Variants in HECW1 observed in about 807,000 individuals in gnomAD.
HECW1 encodes the protein HECT, C2 and WW domain containing E3 ubiquitin protein ligase 1.
Under a neutral mutation model 182.3 loss-of-function variants are expected in HECW1, and 61 were observed. The ratio of observed to expected loss-of-function variants is 0.33; its 90% CI spans 0.27 to 0.41. The LOEUF is 0.41. Ranked by LOEUF, HECW1 falls within the 10% of genes least tolerant of loss-of-function variation. The probability of loss-of-function intolerance (pLI) is 1.00; values close to 1 mark genes in which losing one functional copy is unlikely to be tolerated. For synonymous variants in HECW1, 859 were observed against 832.6 expected (o/e 1.03, Z -0.55); for missense variants, 1,739 against 2,108.9 (o/e 0.82, Z 3.44).
chr7:43,189,460 GATT>G (rs1208296334), intron 2 of HECW1, among the ~76,000 whole-genome samples: 1 of 152,098 alleles, frequency 6.6e-6, no homozygotes, highest in South Asian at 2.1e-4. Context: ...TACAAAAAGA[GATT>G]GTGTGCAGGT....
chr7:43,329,160 T>G (rs1811154411), intron 5 of HECW1, among the ~76,000 whole-genome samples: 1 of 151,900 alleles, frequency 6.6e-6, no homozygotes, highest in Admixed American at 6.6e-5. Context: ...GGAAGGAAGG[T>G]CTGGGCTCAG....
intron 6 of HECW1, among the ~76,000 whole-genome samples, chr7:43,388,812 AC>A (rs2074904035): frequency 6.6e-6 from 1 of 151,782 alleles, no homozygotes; most frequent in Non-Finnish European, 1.5e-5. Flanking sequence ...GCCAAAGAAA[AC>A]CCCAACAGTT....
At chr7:43,225,790 TC>T (rs1279527729) in intron 2 of HECW1, among the ~76,000 whole-genome samples, 1 of 152,024 alleles carries the variant, frequency 6.6e-6, no homozygotes, top group Admixed American at 6.5e-5. Context: ...ACTGAATAGA[TC>T]TTTTTTTTTT....
chr7:43,499,140 G>C (rs867189750), intron 19 of HECW1, among the ~76,000 whole-genome samples: 16 of 151,966 alleles, frequency 1.1e-4, no homozygotes, highest in Admixed American at 2.6e-4. Context: ...AATTAGCCAA[G>C]CCTGGTGGTG....
At chr7:43,242,467 C>T (rs1037477607) in intron 2 of HECW1, among the ~76,000 whole-genome samples, 3 of 152,124 alleles carry the variant, frequency 2.0e-5, no homozygotes, top group South Asian at 2.1e-4. Context: ...GAGCTCTAAG[C>T]GGCAGAGGAA....
chr7:43,239,452 T>C (rs1011816204), intron 2 of HECW1, among the ~76,000 whole-genome samples: 1 of 152,086 alleles, frequency 6.6e-6, no homozygotes, highest in Non-Finnish European at 1.5e-5. Flanking sequence ...GGCAAATAGT[T>C]ATTAGATGGC....
At chr7:43,304,792 C>A (rs11971859) in intron 3 of HECW1, among the ~76,000 whole-genome samples, 7,263 of 152,308 alleles carry the variant, frequency 0.048, 214 homozygotes, top group Middle Eastern at 0.082. Context: ...TAGCACCCAG[C>A]CTCAACAAAG....
intron 4 of HECW1, among the ~76,000 whole-genome samples, chr7:43,313,655 A>C (rs2152774127): frequency 6.6e-6 from 1 of 152,322 alleles, no homozygotes; most frequent in South Asian, 2.1e-4. Context: ...TGTTTCATTT[A>C]CATTGTTTTG....
intron 17 of HECW1, among the ~76,000 whole-genome samples, chr7:43,484,851 G>C (rs2078568832): frequency 6.6e-6 from 1 of 152,192 alleles, no homozygotes; most frequent in Non-Finnish European, 1.5e-5. Flanking sequence ...CACCAGCAAA[G>C]CAGGCCTTAT....
chr7:43,186,449 C>T (rs1267975927), intron 2 of HECW1, among the ~76,000 whole-genome samples: 11 of 151,958 alleles, frequency 7.2e-5, no homozygotes, highest in South Asian at 6.2e-4. Flanking sequence ...GGATGGATCA[C>T]GAGGTCAGGA....
intron 6 of HECW1, among the ~76,000 whole-genome samples, chr7:43,371,201 A>G (rs572206786): frequency 6.6e-6 from 1 of 152,222 alleles, no homozygotes; most frequent in East Asian, 1.9e-4. Context: ...AAATTCTTTA[A>G]TATGATACTA....
intron 17 of HECW1, among the ~76,000 whole-genome samples, chr7:43,485,304 A>G (rs1486545547): frequency 6.6e-6 from 1 of 152,202 alleles, no homozygotes; most frequent in Non-Finnish European, 1.5e-5. Context: ...TGGGGAGAGT[A>G]ATTGCTGCAT....
At chr7:43,548,272 A>G (rs887578223) in intron 26 of HECW1, among the ~76,000 whole-genome samples, 11 of 151,864 alleles carry the variant, frequency 7.2e-5, no homozygotes, top group Non-Finnish European at 1.3e-4. Context: ...AAAAGCTTCT[A>G]TTAATTTTCT....
intron 17 of HECW1, among the ~76,000 whole-genome samples, chr7:43,484,779 G>A (rs116937961): frequency 2.2e-4 from 34 of 152,254 alleles, no homozygotes; most frequent in Non-Finnish European, 4.1e-4. Flanking sequence ...TAAAAAGATC[G>A]TTATTTGACA....
intron 26 of HECW1, among the ~76,000 whole-genome samples, chr7:43,542,542 T>C (rs1449725375): frequency 6.6e-6 from 1 of 151,526 alleles, no homozygotes; most frequent in Non-Finnish European, 1.5e-5. Context: ...TAAACAAATA[T>C]ATATACATAT....
At chr7:43,302,352 T>A (rs771803318) in intron 3 of HECW1, among the ~76,000 whole-genome samples, 107 of 152,236 alleles carry the variant, frequency 7.0e-4, no homozygotes, top group Non-Finnish European at 1.3e-3. Context: ...GCAGCTGCCC[T>A]TCTCAGGCTT....
intron 8 of HECW1, among the ~76,000 whole-genome samples, chr7:43,414,523 T>A (rs2152851457): frequency 6.6e-6 from 1 of 151,208 alleles, no homozygotes; most frequent in East Asian, 1.9e-4. Flanking sequence ...AGGGCATCCC[T>A]GTCTTGTGCC....
At chr7:43,508,359 A>G (rs59574736) in intron 23 of HECW1, among the ~76,000 whole-genome samples, 5,045 of 152,294 alleles carry the variant, frequency 0.033, 137 homozygotes, top group East Asian at 0.14. Flanking sequence ...AGGATATGCC[A>G]ACAATACAGT....
intron 2 of HECW1, among the ~76,000 whole-genome samples, chr7:43,155,320 A>G (rs1027635554): frequency 2.0e-5 from 3 of 152,210 alleles, no homozygotes; most frequent in African/African-American, 7.2e-5. Context: ...AACAATAAAC[A>G]GAGAATATAC....
Sources: gnomAD v4.1 joint callset for allele counts (sites outside exome capture counted in the v4.1 genomes callset) on GRCh38, gnomAD v4.1.1 for gene constraint, MANE v1.5 for transcripts, NCBI Gene and HGNC (gene_info 2026-07-23, HGNC 2026-07-21) for gene names.